MAP2K5: variants seen among roughly 807,000 people sequenced by gnomAD.
MAP2K5 encodes the protein mitogen-activated protein kinase kinase 5, also known as dual specificity mitogen-activated protein kinase kinase 5.
Under a neutral mutation model 83.1 loss-of-function variants are expected in MAP2K5, and 49 were observed. That is an observed-to-expected ratio of 0.59 (90% CI 0.47 to 0.75). MAP2K5 has a LOEUF of 0.75. Among genes scored for constraint, MAP2K5 ranks in the 30% least tolerant of loss-of-function variants. The pLI, the probability that MAP2K5 is intolerant of heterozygous loss-of-function variation, is 0.00. For missense variants in MAP2K5, 457 were observed against 557.5 expected (o/e 0.82, Z 1.82); for synonymous variants, 202 against 191.8 (o/e 1.05, Z -0.44).
At chr15:67,545,070 C>A (rs2583587) in intron 1 of MAP2K5, among the ~76,000 whole-genome samples, 4 of 151,926 alleles carry the variant, frequency 2.6e-5, no homozygotes, top group Non-Finnish European at 4.4e-5. Flanking sequence ...GCCTCACTTA[C>A]ATAGGTTGAT....
rs1319908774 is a variant in MAP2K5 at position 67,559,141 on chromosome 15, AATT to A, written c.185-4139_185-4137del. Reference sequence around the variant, plus strand: ...CTGTTGATGTCTTTCTAACTTCTATAATTATGTTTTCATTTCTTTTCTCTTACC... The same window carrying A: ...CTGTTGATGTCTTTCTAACTTCTATAATGTTTTCATTTCTTTTCTCTTACC... On this transcript the variant is annotated intron_variant, in intron 2 of 21. Coordinates refer to ENST00000178640, the MANE Select transcript of MAP2K5 (RefSeq NM_145160.3). This position sits in a 1 kb window ranked among gnomAD's most constrained non-coding sequence, Gnocchi z 4.7. Among the ~76,000 whole-genome samples, 1 of 152,204 alleles carries A rather than the reference AATT, an allele frequency of 6.6e-6. No individual in the cohort carries two copies. The highest frequency in any genetic ancestry group is 1.9e-4 in the East Asian group (1 of 5,198).
At chr15:67,609,343 A>G (rs1319526145) in intron 8 of MAP2K5, among the ~76,000 whole-genome samples, 1 of 151,940 alleles carries the variant, frequency 6.6e-6, no homozygotes, top group Non-Finnish European at 1.5e-5. Context: ...GGGGCAAACA[A>G]TAATCAAGAC....
chr15:67,672,885 G>A (rs1596767378), intron 13 of MAP2K5, among the ~76,000 whole-genome samples: 1 of 151,824 alleles, frequency 6.6e-6, no homozygotes, highest in East Asian at 1.9e-4. Flanking sequence ...CATATGGCTA[G>A]CCAGTTTTCC....
intron 12 of MAP2K5, among the ~76,000 whole-genome samples, chr15:67,661,988 G>C (rs976720669): frequency 6.6e-6 from 1 of 151,894 alleles, no homozygotes. Flanking sequence ...TTAATATTTT[G>C]ATATTTTCTT....
chr15:67,670,128 TACATGTAACA>T (rs2087490691), intron 13 of MAP2K5, among the ~76,000 whole-genome samples: 1 of 152,176 alleles, frequency 6.6e-6, no homozygotes, highest in Non-Finnish European at 1.5e-5. Flanking sequence ...AAGCTACTGT[TACATGTAACA>T]ACATGGGTGA....
At position 67,552,482 on chromosome 15, in the gene MAP2K5, T is replaced by A. The variant is rs912134938; in HGVS notation, c.184+2400T>A. ...CAGAGTATTGCTCTGTTGCCCAGGC[T>A]GGAGTGCAGTGACATGATGATAGCT... On this transcript the variant is annotated intron_variant, in intron 2 of 21. Transcript: ENST00000178640. This position sits in a 1 kb window ranked among gnomAD's most constrained non-coding sequence, Gnocchi z 4.2. 1.3e-5 allele frequency among the ~76,000 whole-genome samples: 2 copies of A among 152,314 alleles called. No individual in the cohort carries two copies. Among genetic ancestry groups the A allele is most frequent in the South Asian group, 2.1e-4 (1 of 4,828 alleles).
rs1432420255 is a variant in MAP2K5, at chr15:67,777,356, C to T, written c.1242+4604C>T. ...TATGCATTTAGAGTGTTTCCAGAAGCTTTCAGTGTCTAAGCTCTATTTAAT... is the reference window on the plus strand; with the variant it reads ...TATGCATTTAGAGTGTTTCCAGAAGTTTTCAGTGTCTAAGCTCTATTTAAT... On this transcript the variant is annotated intron_variant, in intron 21 of 21. Coordinates refer to ENST00000178640, the MANE Select transcript of MAP2K5 (RefSeq NM_145160.3). This position sits in a 1 kb window ranked among gnomAD's most constrained non-coding sequence, Gnocchi z 6.0. Among the ~76,000 whole-genome samples, 4 of 152,090 alleles carry T rather than the reference C, an allele frequency of 2.6e-5. No homozygotes were observed. Among genetic ancestry groups the T allele is most frequent in the African/African-American group, 4.8e-5 (2 of 41,406 alleles).
intron 3 of MAP2K5, among the ~76,000 whole-genome samples, chr15:67,564,077 C>G (rs2084793711): frequency 6.6e-6 from 1 of 152,172 alleles, no homozygotes; most frequent in African/African-American, 2.4e-5. Flanking sequence ...ATATCTGAGT[C>G]TGTAATCTGT....
intron 6 of MAP2K5, among the ~76,000 whole-genome samples, chr15:67,590,438 C>CTCTCTCTCT (rs1567294574): frequency 5.1e-4 from 34 of 67,290 alleles, no homozygotes; most frequent in African/African-American, 2.1e-3. Context: ...TCTCTCTCTC[C>CTCTCTCTCT]CTCCCTCCCT....
chr15:67,792,099 T>C (rs564056134), intron 21 of MAP2K5, among the ~76,000 whole-genome samples: 2 of 152,224 alleles, frequency 1.3e-5, no homozygotes, highest in African/African-American at 4.8e-5. Context: ...ACAGTATTGC[T>C]TAGAACAGTG....
rs1319127916 is a variant in MAP2K5, at chr15:67,801,981, G to T, written c.1243-4665G>T. Among the ~76,000 whole-genome samples, 1 of 152,208 alleles carries T rather than the reference G, an allele frequency of 6.6e-6. No individual in the cohort carries two copies. ...GGCAGACAGCGAGGTGTCATTAAAT[G>T]AGCACTGGACTGGAAGTCCAGCCCC... On this transcript the variant is annotated intron_variant, in intron 21 of 21. Transcript: ENST00000178640. This position sits in a 1 kb window ranked among gnomAD's most constrained non-coding sequence, Gnocchi z 4.8.
intron 16 of MAP2K5, chr15:67,718,027 C>T (rs1441971858): frequency 6.6e-6 from 1 of 152,198 alleles, no homozygotes. Flanking sequence ...CAGAAAGCTT[C>T]CTAGAAGTGC....
At chr15:67,588,187 G>A in intron 6 of MAP2K5, 2 of 736,184 alleles carry the variant, frequency 2.7e-6, no homozygotes, top group Non-Finnish European at 3.3e-6. Flanking sequence ...CAGCTTGCTG[G>A]CCCACCTCTG....
Position 67,736,874 on chromosome 15 carries a change from C to T in MAP2K5, c.1074+8929C>T, listed in dbSNP as rs1443434094. On this transcript the variant is annotated intron_variant, in intron 17 of 21. Transcript: ENST00000178640. The surrounding 1 kb of genome is among the most constrained non-coding windows in gnomAD (Gnocchi z 4.3). The stretch of plus-strand genomic sequence containing the variant: ...TTGCTTTTATTGATGCAGTCTGCTA[C>T]TTTATGGAATCATAGGATTTCAGCA... Among the ~76,000 whole-genome samples, 1 of 152,172 alleles carries T rather than the reference C, an allele frequency of 6.6e-6. No homozygotes were observed. The highest frequency in any genetic ancestry group is 1.5e-5 in the Non-Finnish European group (1 of 68,040).
rs927139717 is a variant in MAP2K5, at chr15:67,565,197, T to C, written c.252+1847T>C. Among the ~76,000 whole-genome samples the C allele has an allele frequency of 4.6e-5, 7 of 152,158 alleles. No individual in the cohort carries two copies. The highest frequency in any genetic ancestry group is 1.7e-4 in the African/African-American group (7 of 41,446). On this transcript the variant is annotated intron_variant, in intron 3 of 21. Transcript: ENST00000178640. The surrounding 1 kb of genome is among the most constrained non-coding windows in gnomAD (Gnocchi z 4.1). ...TTACACTGTCTCTCCCCCACCTTCC[T>C]CTTTGCAGGATTTTTTTTATGTCAT...
At chr15:67,670,985 A>G (rs1342948111) in intron 13 of MAP2K5, among the ~76,000 whole-genome samples, 1 of 152,250 alleles carries the variant, frequency 6.6e-6, no homozygotes, top group Non-Finnish European at 1.5e-5. Context: ...CTCAGTTTCT[A>G]AGAAGGAATA....
chr15:67,548,939 C>G, intron 1 of MAP2K5: 1 of 1,054,638 alleles, frequency 9.5e-7, no homozygotes, highest in Non-Finnish European at 1.3e-6. Flanking sequence ...ACTATAGAGG[C>G]AAGACTATTA....
At position 67,577,408 on chromosome 15, in the gene MAP2K5, T is replaced by C. The variant is rs1256261888; in HGVS notation, c.253-3346T>C. ...AACACCTACTATGTGCAGAGCTTTGTGTTAGGGCTAATAAATGCCAGGATA... is the reference window on the plus strand; with the variant it reads ...AACACCTACTATGTGCAGAGCTTTGCGTTAGGGCTAATAAATGCCAGGATA... On this transcript the variant is annotated intron_variant, in intron 3 of 21. Transcript: ENST00000178640. The surrounding 1 kb of genome is among the most constrained non-coding windows in gnomAD (Gnocchi z 4.1). Among the ~76,000 whole-genome samples the C allele has an allele frequency of 6.6e-6, 1 of 152,204 alleles. No homozygotes were observed. The highest frequency in any genetic ancestry group is 2.4e-5 in the African/African-American group (1 of 41,446).
chr15:67,653,652 AT>A (rs748040715), intron 11 of MAP2K5, among the ~76,000 whole-genome samples: 8 of 147,198 alleles, frequency 5.4e-5, no homozygotes, highest in Admixed American at 2.0e-4. Context: ...GATTTTCTCT[AT>A]TTTTTTTTCT....
Sources: allele counts gnomAD v4.1 joint callset (sites outside exome capture counted in the v4.1 genomes callset), GRCh38; gene constraint gnomAD v4.1.1; non-coding constraint Gnocchi (gnomAD v3.1); transcripts MANE v1.5; gene names NCBI Gene and HGNC (gene_info 2026-07-23, HGNC 2026-07-21).